NLGN1: variants seen among roughly 807,000 people sequenced by gnomAD.
NLGN1 encodes neuroligin-1.
In NLGN1, 12 loss-of-function variants were observed where a neutral mutation model predicts 65.5. The ratio of observed to expected loss-of-function variants is 0.18; its 90% CI spans 0.12 to 0.30. NLGN1 has a LOEUF of 0.30. NLGN1 is among the 10% of genes least tolerant of loss of function. The pLI is 1.00. For missense variants in NLGN1, 750 were observed against 1,007.1 expected (o/e 0.74, Z 3.46); for synonymous variants, 350 against 359.5 (o/e 0.97, Z 0.30).
chr3:173,727,510 T>C (rs1772003106), intron 3 of NLGN1, among the ~76,000 whole-genome samples: 1 of 152,142 alleles, frequency 6.6e-6, no homozygotes, highest in South Asian at 2.1e-4. Flanking sequence ...CTCCTGGAAA[T>C]AATACTGACA....
At chr3:174,238,455 AGG>A (rs1742155487) in intron 4 of NLGN1, among the ~76,000 whole-genome samples, 1 of 151,736 alleles carries the variant, frequency 6.6e-6, no homozygotes, top group Non-Finnish European at 1.5e-5. Flanking sequence ...CTCTACCTTC[AGG>A]GTCCAAGCAA....
At chr3:173,579,043 G>A (rs1745983637) in intron 2 of NLGN1, among the ~76,000 whole-genome samples, 1 of 152,146 alleles carries the variant, frequency 6.6e-6, no homozygotes, top group South Asian at 2.1e-4. Context: ...TTTTTAACAA[G>A]TCAGAATTAT....
intron 4 of NLGN1, among the ~76,000 whole-genome samples, chr3:173,883,746 T>G (rs1733771328): frequency 6.6e-6 from 1 of 151,786 alleles, no homozygotes; most frequent in Admixed American, 6.6e-5. Flanking sequence ...CATGTTGACA[T>G]GGCAGTATCA....
intron 4 of NLGN1, among the ~76,000 whole-genome samples, chr3:174,235,942 A>G (rs988624144): frequency 2.6e-5 from 4 of 152,146 alleles, no homozygotes; most frequent in African/African-American, 9.7e-5. Context: ...TCTGATATAA[A>G]ATATATTTGC....
chr3:173,417,408 AAAT>A (rs1273942603), intron 1 of NLGN1, among the ~76,000 whole-genome samples: 1 of 151,968 alleles, frequency 6.6e-6, no homozygotes, highest in Non-Finnish European at 1.5e-5. Flanking sequence ...TTAATTCTCT[AAAT>A]AATCTATTTA....
intron 4 of NLGN1, among the ~76,000 whole-genome samples, chr3:173,927,157 G>A (rs568078706): frequency 3.0e-4 from 45 of 152,148 alleles, no homozygotes; most frequent in African/African-American, 9.4e-4. Context: ...TACACCTCCC[G>A]GGTTCAAGGG....
chr3:174,278,178 A>T (rs1475888120), intron 5 of NLGN1, among the ~76,000 whole-genome samples: 1 of 151,956 alleles, frequency 6.6e-6, no homozygotes, highest in East Asian at 1.9e-4. Context: ...CTTTCTGCTG[A>T]TGGTTTTTTC....
intron 4 of NLGN1, among the ~76,000 whole-genome samples, chr3:173,951,133 C>G (rs1748124208): frequency 6.6e-6 from 1 of 152,044 alleles, no homozygotes; most frequent in Admixed American, 6.5e-5. Flanking sequence ...TCCCAGAGTG[C>G]TGGGATTACA....
rs577626495 is a variant in NLGN1 at position 173,850,601 on chromosome 3, A to G, written c.646+42769A>G. Reference sequence around the variant, plus strand: ...TCCAAGTGATTAGTGAATTACCTCTATCCTTTTCGTTGAAACAAAAATTTT... The same window carrying G: ...TCCAAGTGATTAGTGAATTACCTCTGTCCTTTTCGTTGAAACAAAAATTTT... On this transcript the variant is annotated intron_variant, in intron 4 of 6. Transcript: ENST00000457714. Among the ~76,000 whole-genome samples, 68 of 152,280 alleles carry G rather than the reference A, an allele frequency of 4.5e-4. 1 individual carries two copies. The East Asian group carries it at 9.1e-3, about 20-fold the overall frequency.
chr3:173,400,350 C>A (rs965611576), intron 1 of NLGN1, among the ~76,000 whole-genome samples: 34 of 152,246 alleles, frequency 2.2e-4, no homozygotes, highest in African/African-American at 8.2e-4. Context: ...ACCCTAATGC[C>A]ACTCAATGCT....
Position 173,977,092 on chromosome 3 carries a change from T to C in NLGN1, c.646+169260T>C, listed in dbSNP as rs1307226956. On this transcript the variant is annotated intron_variant, in intron 4 of 6. Coordinates refer to ENST00000457714, the Ensembl canonical transcript of NLGN1. ...AGACTACTGAAGTGGAGGAAAAAGA[T>C]ACACACACACACACGCACACACACA... Among the ~76,000 whole-genome samples the C allele has an allele frequency of 3.3e-5, 5 of 150,206 alleles. No homozygotes were observed. The East Asian group carries it at 9.9e-4, about 30-fold the overall frequency.
At chr3:173,633,876 A>T (rs748720231) in intron 3 of NLGN1, among the ~76,000 whole-genome samples, 1 of 152,140 alleles carries the variant, frequency 6.6e-6, no homozygotes, top group Non-Finnish European at 1.5e-5. Context: ...ACCCTTTCTG[A>T]TCCCCATAGC....
intron 2 of NLGN1, among the ~76,000 whole-genome samples, chr3:173,589,492 C>T (rs141536170): frequency 6.6e-6 from 1 of 152,016 alleles, no homozygotes; most frequent in Non-Finnish European, 1.5e-5. Flanking sequence ...AATGTGTTTG[C>T]TTGCTTACTT....
intron 2 of NLGN1, among the ~76,000 whole-genome samples, chr3:173,586,132 CT>C (rs5854513): frequency 0.49 from 74,174 of 150,426 alleles, 18,712 homozygotes; most frequent in East Asian, 0.83. Flanking sequence ...TTTTAGTTGG[CT>C]TTTTTTTTTA....
chr3:173,985,037 C>T (rs1719592111), intron 4 of NLGN1, among the ~76,000 whole-genome samples: 1 of 152,124 alleles, frequency 6.6e-6, no homozygotes, highest in Admixed American at 6.6e-5. Context: ...GGGAGACTGT[C>T]TCAAAAACAA....
chr3:173,546,389 G>T (rs1739842478), intron 2 of NLGN1, among the ~76,000 whole-genome samples: 3 of 152,000 alleles, frequency 2.0e-5, no homozygotes, highest in African/African-American at 7.3e-5. Context: ...GTCATGTTTT[G>T]TCTGTTGAGG....
intron 2 of NLGN1, among the ~76,000 whole-genome samples, chr3:173,596,597 A>T (rs1009497202): frequency 2.0e-5 from 3 of 152,112 alleles, no homozygotes; most frequent in Non-Finnish European, 2.9e-5. Flanking sequence ...GTTTAGCCCC[A>T]GTACTTACTC....
intron 3 of NLGN1, among the ~76,000 whole-genome samples, chr3:173,630,891 A>G (rs1755582103): frequency 6.6e-6 from 1 of 152,120 alleles, no homozygotes; most frequent in African/African-American, 2.4e-5. Flanking sequence ...CTCTTGGGAG[A>G]GATGAAACTT....
At chr3:174,131,731 A>G (rs1439283953) in intron 4 of NLGN1, among the ~76,000 whole-genome samples, 2 of 152,196 alleles carry the variant, frequency 1.3e-5, no homozygotes, top group Non-Finnish European at 2.9e-5. Context: ...AGCTATTCAA[A>G]TACTATTAGT....
Sources: gnomAD v4.1 joint callset for allele counts (sites outside exome capture counted in the v4.1 genomes callset) on GRCh38, gnomAD v4.1.1 for gene constraint, MANE v1.5 for transcripts, NCBI Gene and HGNC (gene_info 2026-07-23, HGNC 2026-07-21) for gene names.